Variants in NPIPB8 observed in about 807,000 individuals in gnomAD.
NPIPB8 encodes the protein nuclear pore complex-interacting protein family member B8.
Under a neutral mutation model 5.3 loss-of-function variants are expected in NPIPB8, and 3 were observed. The observed-to-expected ratio is 0.57, with a 90% confidence interval of 0.26 to 1.47. The LOEUF is 1.47. Among genes scored for constraint, NPIPB8 ranks in the 40% most tolerant of loss-of-function variants. NPIPB8 has a pLI of 0.13. For missense variants in NPIPB8, 50 were observed against 50.2 expected (o/e 1.00, Z 0.01); for synonymous variants, 18 against 23.0 (o/e 0.78, Z 0.62).
intron 5 of NPIPB8, among the ~76,000 whole-genome samples, chr16:28,652,853 CA>C (rs1320100169): frequency 7.3e-6 from 1 of 136,848 alleles, no homozygotes; most frequent in East Asian, 2.0e-4. Flanking sequence ...CCACCTGCCT[CA>C]GCCTCCCAAA....
rs571094285 is a variant in NPIPB8 at position 28,638,335 on chromosome 16, C to A, written c.-26C>A. On this transcript the variant is annotated 5_prime_UTR_variant, in exon 2 of 8. Transcript: ENST00000683297. Reference sequence around the variant, plus strand: ...AATTGTCTAATAGGTTGGCACTCATCATGAGCCCCTGTTCTCATTCTGCAA... The same window carrying A: ...AATTGTCTAATAGGTTGGCACTCATAATGAGCCCCTGTTCTCATTCTGCAA... The A allele has an allele frequency of 6.4e-7, 1 of 1,562,346 alleles. No individual in the cohort carries two copies. The highest frequency in any genetic ancestry group is 8.6e-7 in the Non-Finnish European group (1 of 1,161,452).
rs1383923351 is a variant in NPIPB8 at position 28,639,048 on chromosome 16, G to A, written c.120+568G>A. Among the ~76,000 whole-genome samples, 4 of 144,460 alleles carry A rather than the reference G, an allele frequency of 2.8e-5. No individual in the cohort carries two copies. In the East Asian group the frequency reaches 6.0e-4, roughly 22 times the overall value. The allele number at this position is 144,460 out of a possible 152,430, so 94.8% of individuals were successfully genotyped here. On this transcript the variant is annotated intron_variant, in intron 2 of 7. Coordinates refer to ENST00000683297, the MANE Select transcript of NPIPB8 (RefSeq NM_001310136.2). ...CACGCCATTGCACTCCAGACTGTGC[G>A]ACAGAGCGAGACTCTGTCAAAAAAA...
chr16:28,640,398 G>C (rs1387477582), intron 2 of NPIPB8, among the ~76,000 whole-genome samples: 1 of 152,130 alleles, frequency 6.6e-6, no homozygotes, highest in Non-Finnish European at 1.5e-5. Context: ...CTCCATATAG[G>C]AGCTGTCAGT....
intron 2 of NPIPB8, chr16:28,644,539 C>T: frequency 2.8e-6 from 4 of 1,442,210 alleles, no homozygotes; most frequent in South Asian, 2.4e-5. Context: ...TGCCCTAAGC[C>T]ACCTCCACCT....
intron 2 of NPIPB8, among the ~76,000 whole-genome samples, chr16:28,641,825 G>A (rs912668944): frequency 1.5e-5 from 2 of 131,278 alleles, no homozygotes; most frequent in Non-Finnish European, 3.2e-5. Flanking sequence ...CAAATCTAAG[G>A]TGCCTGGCCA....
rs574236731 is a variant in NPIPB8 at position 28,645,151 on chromosome 16, G to T, written c.121-2984G>T. On this transcript the variant is annotated intron_variant, in intron 2 of 7. Transcript: ENST00000683297. ...CTCCGCTTCCGGGGTTCAAGCAATTGTCCTGCCCCAGCCTCCTGAGTGGCT... is the reference window on the plus strand; with the variant it reads ...CTCCGCTTCCGGGGTTCAAGCAATTTTCCTGCCCCAGCCTCCTGAGTGGCT... Among the ~76,000 whole-genome samples the T allele has an allele frequency of 1.2e-4, 16 of 130,792 alleles. No individual in the cohort carries two copies. In the East Asian group the frequency reaches 3.4e-3, roughly 27 times the overall value. 85.8% of individuals were successfully genotyped at this position (130,792 alleles called of 152,430 possible). A position where few individuals can be genotyped will look rare whatever the true frequency, so the allele number is the denominator to read the frequency against.
intron 5 of NPIPB8, among the ~76,000 whole-genome samples, chr16:28,653,117 G>T (rs1234111770): frequency 2.7e-5 from 3 of 109,698 alleles, no homozygotes. Context: ...CTGTCACCCA[G>T]GCTAGAGTGC....
At chr16:28,642,275 T>C (rs2047912636) in intron 2 of NPIPB8, among the ~76,000 whole-genome samples, 1 of 150,860 alleles carries the variant, frequency 6.6e-6, no homozygotes, top group African/African-American at 2.4e-5. Context: ...CTGGCTAATT[T>C]TTGTATTTTT....
intron 2 of NPIPB8, among the ~76,000 whole-genome samples, chr16:28,639,081 A>C (rs1303535247): frequency 6.7e-6 from 1 of 149,588 alleles, no homozygotes; most frequent in Non-Finnish European, 1.5e-5. Context: ...AAAAAAAAAA[A>C]AATTATCCTG....
chr16:28,638,254 A>G (rs2047826350), intron 1 of NPIPB8, 69 bp from the exon 2 acceptor site: 3 of 1,531,484 alleles, frequency 2.0e-6, no homozygotes, highest in Admixed American at 2.0e-5. Context: ...GCTCTTGACC[A>G]CTATAGACTC....
At chr16:28,639,960 C>T (rs547309271) in intron 2 of NPIPB8, among the ~76,000 whole-genome samples, 1 of 150,452 alleles carries the variant, frequency 6.6e-6, no homozygotes, top group Non-Finnish European at 1.5e-5. Context: ...ATTGTGTACT[C>T]ACTGTGTGTG....
At chr16:28,640,677 G>A (rs1195520362) in intron 2 of NPIPB8, among the ~76,000 whole-genome samples, 7 of 152,138 alleles carry the variant, frequency 4.6e-5, no homozygotes, top group Non-Finnish European at 8.8e-5. Context: ...CTAAGTCACC[G>A]CAGATTTGCT....
intron 2 of NPIPB8, among the ~76,000 whole-genome samples, chr16:28,642,979 C>T (rs1420604873): frequency 1.3e-5 from 2 of 152,164 alleles, no homozygotes; most frequent in Admixed American, 6.5e-5. Flanking sequence ...TCTGTGTGAT[C>T]GGGCGGAAGG....
intron 2 of NPIPB8, among the ~76,000 whole-genome samples, chr16:28,642,342 G>C (rs1949601162): frequency 6.6e-6 from 1 of 152,228 alleles, no homozygotes; most frequent in East Asian, 1.9e-4. Context: ...CTAACCTTGT[G>C]ATCCACCTAC....
At chr16:28,652,400 A>G in intron 5 of NPIPB8, 36 bp downstream of exon 5, 1 of 140,878 alleles carries the variant, frequency 7.1e-6, no homozygotes, top group Admixed American at 1.2e-4. Flanking sequence ...TGTTGTATGA[A>G]CCATGTGCCA....
At chr16:28,640,057 C>T (rs1414646941) in intron 2 of NPIPB8, among the ~76,000 whole-genome samples, 1 of 151,464 alleles carries the variant, frequency 6.6e-6, no homozygotes, top group African/African-American at 2.4e-5. Flanking sequence ...CCTCATTTTA[C>T]AGAGTTGAAA....
intron 2 of NPIPB8, among the ~76,000 whole-genome samples, chr16:28,641,426 C>T (rs2047894378): frequency 6.9e-6 from 1 of 144,244 alleles, no homozygotes; most frequent in African/African-American, 2.5e-5. Context: ...CTCAGCATCC[C>T]AGCCTAGGCC....
intron 2 of NPIPB8, among the ~76,000 whole-genome samples, chr16:28,641,507 C>T (rs1223315836): frequency 2.1e-5 from 3 of 141,664 alleles, no homozygotes; most frequent in Non-Finnish European, 4.8e-5. Context: ...CCCAGGAGTG[C>T]CCAGACCCTC....
intron 2 of NPIPB8, among the ~76,000 whole-genome samples, chr16:28,641,067 C>T (rs926339915): frequency 4.6e-5 from 7 of 151,972 alleles, no homozygotes; most frequent in East Asian, 1.9e-4. Context: ...GCCCCTGTGT[C>T]GTGCATGTAT....
Sources: gnomAD v4.1 joint callset for allele counts (sites outside exome capture counted in the v4.1 genomes callset) on GRCh38, gnomAD v4.1.1 for gene constraint, MANE v1.5 for transcripts, NCBI Gene and HGNC (gene_info 2026-07-23, HGNC 2026-07-21) for gene names.